Variants in ANKRD11 observed in about 807,000 individuals in gnomAD.
ANKRD11 encodes the protein ankyrin repeat domain 11.
ANKRD11 carries 17 observed loss-of-function variants against 195.7 expected under a neutral mutation model. The ratio of observed to expected loss-of-function variants is 0.09; its 90% CI spans 0.06 to 0.13. ANKRD11 has a LOEUF of 0.13. ANKRD11 is among the 10% of genes least tolerant of loss of function. The pLI is 1.00. For missense variants in ANKRD11, 3,735 were observed against 3,566.1 expected (o/e 1.05, Z -1.21); for synonymous variants, 1,953 against 1,528.1 (o/e 1.28, Z -6.49).
chr16:89,402,965 C>T (rs955671193), intron 2 of ANKRD11, among the ~76,000 whole-genome samples: 1 of 152,132 alleles, frequency 6.6e-6, no homozygotes, highest in Non-Finnish European at 1.5e-5. Flanking sequence ...ACCTCTTTTC[C>T]GCCTGGGCTC....
intron 2 of ANKRD11, chr16:89,324,476 A>G (rs931054513): frequency 2.2e-6 from 1 of 456,630 alleles, no homozygotes; most frequent in African/African-American, 2.0e-5. Context: ...GACTGGACTA[A>G]AGGATGTGTA....
chr16:89,341,645 G>A (rs1021015456), intron 2 of ANKRD11, among the ~76,000 whole-genome samples: 2 of 152,212 alleles, frequency 1.3e-5, no homozygotes, highest in Non-Finnish European at 2.9e-5. Context: ...CGTTAACACT[G>A]GGAGCAATGC....
intron 1 of ANKRD11, among the ~76,000 whole-genome samples, chr16:89,461,002 G>A (rs1258659488): frequency 2.8e-5 from 3 of 107,250 alleles, no homozygotes; most frequent in African/African-American, 3.7e-5. Flanking sequence ...CACCTTGAGT[G>A]GTGACATTCA....
At chr16:89,405,135 G>C (rs542361530) in intron 2 of ANKRD11, among the ~76,000 whole-genome samples, 1 of 151,982 alleles carries the variant, frequency 6.6e-6, no homozygotes, top group South Asian at 2.1e-4. Context: ...GCGAGGTTGC[G>C]GTGAGTGGAG....
intron 2 of ANKRD11, among the ~76,000 whole-genome samples, chr16:89,357,666 C>T (rs1597774709): frequency 1.3e-5 from 2 of 152,300 alleles, no homozygotes; most frequent in South Asian, 2.1e-4. Flanking sequence ...CACAGCATAA[C>T]GCGACTCAGC....
chr16:89,337,461 C>T (rs2038429438), intron 2 of ANKRD11, among the ~76,000 whole-genome samples: 1 of 29,164 alleles, frequency 3.4e-5, no homozygotes, highest in African/African-American at 1.2e-4. Flanking sequence ...TTTTTTGAGA[C>T]AGTCTCCCTC....
chr16:89,287,385 G>A (rs142339714), intron 7 of ANKRD11: 2 of 241,526 alleles, frequency 8.3e-6, no homozygotes, highest in East Asian at 1.0e-4. Context: ...GTCACAACAC[G>A]GGCATCTTGG....
chr16:89,368,796 C>T (rs2040064866), intron 2 of ANKRD11, among the ~76,000 whole-genome samples: 2 of 152,066 alleles, frequency 1.3e-5, no homozygotes, highest in Non-Finnish European at 2.9e-5. Flanking sequence ...GTTTCAGCTA[C>T]TCCAGAGGCA....
At chr16:89,388,895 G>T (rs998728332) in intron 2 of ANKRD11, among the ~76,000 whole-genome samples, 3 of 152,164 alleles carry the variant, frequency 2.0e-5, no homozygotes, top group Non-Finnish European at 4.4e-5. Flanking sequence ...ACAGCTGAAA[G>T]GGACAAAAAG....
chr16:89,270,766 AC>A, intron 12 of ANKRD11, 50 bp downstream of exon 12: 2 of 1,586,808 alleles, frequency 1.3e-6, no homozygotes, highest in Non-Finnish European at 1.7e-6. Context: ...CCATCACAGA[AC>A]TGGGCAGCAG....
intron 4 of ANKRD11, chr16:89,300,398 A>G (rs929253441): frequency 5.3e-6 from 1 of 188,506 alleles, no homozygotes. Context: ...TGCAGTGCAC[A>G]TGCCCTTCCT....
chr16:89,394,385 T>G (rs1340653431), intron 2 of ANKRD11, among the ~76,000 whole-genome samples: 1 of 152,160 alleles, frequency 6.6e-6, no homozygotes. Flanking sequence ...TCCCAGCACT[T>G]TGGGAGGCCA....
intron 11 of ANKRD11, 29 bp downstream of exon 11, chr16:89,274,785 C>T (rs954918239): frequency 1.2e-6 from 2 of 1,606,050 alleles, no homozygotes; most frequent in Admixed American, 1.7e-5. Context: ...CACTTGGACT[C>T]ATGGGCCTGG....
rs1207479444 is a variant in ANKRD11 at position 89,432,974 on chromosome 16, CT to C, written c.-144-14607del. Among the ~76,000 whole-genome samples, 1,134 of 149,000 alleles carry C rather than the reference CT, an allele frequency of 7.6e-3. 9 individuals are homozygous for C. The highest frequency in any genetic ancestry group is 0.027 in the African/African-American group (1,054 of 39,300). On this transcript the variant is annotated intron_variant, in intron 1 of 12. Transcript: ENST00000301030. ...TCTCTCTCTCTCTCTCTCTCTCTCT[CT>C]CTCTCTCTCTCTCTCCTCTCTCTCA...
chr16:89,433,657 G>A (rs372877374), intron 1 of ANKRD11, among the ~76,000 whole-genome samples: 18 of 149,888 alleles, frequency 1.2e-4, no homozygotes, highest in African/African-American at 1.5e-4. Context: ...CCACCTTCAC[G>A]AGAGTAAGAG....
At chr16:89,335,924 T>C (rs2151978914) in intron 2 of ANKRD11, among the ~76,000 whole-genome samples, 1 of 152,178 alleles carries the variant, frequency 6.6e-6, no homozygotes, top group East Asian at 1.9e-4. Flanking sequence ...CCCCTGCCTG[T>C]GCTGAGGCAT....
chr16:89,347,607 T>TAA (rs5818710), intron 2 of ANKRD11, among the ~76,000 whole-genome samples: 4,639 of 127,288 alleles, frequency 0.036, 203 homozygotes, highest in East Asian at 0.14. Flanking sequence ...CGAGACTCCG[T>TAA]AAAAAAAAAA....
In ANKRD11 at chr16:89,279,035, G is replaced by T. The variant is rs779232465; in HGVS notation, c.7470+37C>A. Reference sequence around the variant, plus strand: ...CTAGGGGCCCCAGACGCATCCCAGAGAGAGAAGGCAGTGGCTCTCCCGGGC... The same window carrying T: ...CTAGGGGCCCCAGACGCATCCCAGATAGAGAAGGCAGTGGCTCTCCCGGGC... On this transcript the variant is annotated intron_variant, in intron 9 of 12. Transcript: ENST00000301030. This position sits in a 1 kb window ranked among gnomAD's most constrained non-coding sequence, Gnocchi z 5.6. 1.8e-5 allele frequency: 29 copies of T among 1,612,072 alleles called. No individual in the cohort carries two copies. The highest frequency in any genetic ancestry group is 2.2e-5 in the Non-Finnish European group (26 of 1,179,264).
intron 1 of ANKRD11, among the ~76,000 whole-genome samples, chr16:89,463,143 C>T (rs2056757717): frequency 6.6e-6 from 1 of 152,154 alleles, no homozygotes; most frequent in Non-Finnish European, 1.5e-5. Flanking sequence ...AGGAGCCCCT[C>T]TGCCCGGCCA....
Sources: allele counts gnomAD v4.1 joint callset (sites outside exome capture counted in the v4.1 genomes callset), GRCh38; gene constraint gnomAD v4.1.1; non-coding constraint Gnocchi (gnomAD v3.1); transcripts MANE v1.5; gene names NCBI Gene and HGNC (gene_info 2026-07-23, HGNC 2026-07-21).